The following TYR variants were observed in gnomAD, a reference collection of about 807,000 sequenced individuals.
TYR encodes tyrosinase.
Under a neutral mutation model 51.5 loss-of-function variants are expected in TYR, and 58 were observed. The observed-to-expected ratio is 1.13, with a 90% CI of 0.91 to 1.40. The LOEUF (loss-of-function observed/expected upper bound fraction) is 1.40, where lower values mean the gene tolerates loss of function less well. TYR is among the 40% of genes most tolerant of loss of function. The pLI is 0.00. For missense variants in TYR, 732 were observed against 647.4 expected (o/e 1.13, Z -1.42); for synonymous variants, 263 against 235.2 (o/e 1.12, Z -1.08).
chr11:89,285,774 T>A (rs542211845), intron 4 of TYR, among the ~76,000 whole-genome samples: 2 of 151,896 alleles, frequency 1.3e-5, no homozygotes, highest in South Asian at 4.1e-4. Context: ...ACACCAATAA[T>A]GTGGAGAAGC....
At chr11:89,260,938 G>A (rs1481876797) in intron 3 of TYR, among the ~76,000 whole-genome samples, 3 of 152,020 alleles carry the variant, frequency 2.0e-5, no homozygotes, top group African/African-American at 4.8e-5. Context: ...TCAGCTAAGC[G>A]GCAGGTGAAC....
intron 2 of TYR, among the ~76,000 whole-genome samples, chr11:89,219,463 AT>A (rs1171117317): frequency 6.6e-6 from 1 of 151,708 alleles, no homozygotes; most frequent in Non-Finnish European, 1.5e-5. Flanking sequence ...CCCCTGGCTA[AT>A]TTTTGTATTT....
chr11:89,273,748 A>AG (rs1221233368), intron 3 of TYR, among the ~76,000 whole-genome samples: 22 of 151,808 alleles, frequency 1.4e-4, no homozygotes, highest in Admixed American at 1.4e-3. Flanking sequence ...TAAACAACAT[A>AG]ATTTTTTTTT....
In TYR at chr11:89,237,067, G is replaced by A. The variant is rs112350001; in HGVS notation, c.1184+9097G>A. On this transcript the variant is annotated intron_variant, in intron 3 of 4. Transcript: ENST00000263321. The stretch of plus-strand genomic sequence containing the variant: ...CAAAAGACCTAGTTGTTAAAATAAT[G>A]GCCAACACACCACTGCTCTAATCTA... 1.5e-3 allele frequency among the ~76,000 whole-genome samples: 228 copies of A among 152,190 alleles called. 2 individuals carry two copies. The highest frequency in any genetic ancestry group is 5.2e-3 in the African/African-American group (218 of 41,530).
chr11:89,295,322 A>G lies in TYR; in HGVS notation c.1546A>G (p.Met516Val), dbSNP rs1565427054. 2 of 1,613,518 alleles carry G rather than the reference A, an allele frequency of 1.2e-6. No individual in the cohort carries two copies. Among genetic ancestry groups the G allele is most frequent in the Admixed American group, 1.7e-5 (1 of 59,914 alleles). ...QLPEEKQPLL[M>V]EKEDYHSLYQ... Reference sequence around the variant, plus strand: ...TCCTGAAGAAAAGCAGCCACTCCTCATGGAGAAAGAGGATTACCACAGCTT... The same window carrying G: ...TCCTGAAGAAAAGCAGCCACTCCTCGTGGAGAAAGAGGATTACCACAGCTT... Residue 516 changes from methionine (M) to valine (V), a missense_variant, in exon 5 of 5, where the codon ATG becomes GTG. By Grantham distance (21) the Met-to-Val change is conservative. Transcript: ENST00000263321.
intron 3 of TYR, among the ~76,000 whole-genome samples, chr11:89,272,037 C>T (rs1944594194): frequency 6.6e-6 from 1 of 151,834 alleles, no homozygotes; most frequent in African/African-American, 2.4e-5. Context: ...CTTGAACCCC[C>T]TCAAAGTCAT....
At chr11:89,274,120 G>A (rs376123287) in intron 3 of TYR, among the ~76,000 whole-genome samples, 2 of 151,890 alleles carry the variant, frequency 1.3e-5, no homozygotes, top group African/African-American at 4.8e-5. Flanking sequence ...AGCACATGAA[G>A]TTAAGTAGCT....
chr11:89,290,237 G>A (rs1321573381), intron 4 of TYR, among the ~76,000 whole-genome samples: 6 of 152,008 alleles, frequency 3.9e-5, no homozygotes, highest in Admixed American at 1.3e-4. Context: ...GGGCTCAAAC[G>A]CAGATGGCTT....
intron 1 of TYR, among the ~76,000 whole-genome samples, chr11:89,186,327 A>G (rs1308822170): frequency 6.6e-6 from 1 of 152,162 alleles, no homozygotes; most frequent in African/African-American, 2.4e-5. Flanking sequence ...TGAAATTCTT[A>G]TTAATCTTAT....
chr11:89,240,412 C>A (rs557249354), intron 3 of TYR, among the ~76,000 whole-genome samples: 1 of 151,932 alleles, frequency 6.6e-6, no homozygotes, highest in Non-Finnish European at 1.5e-5. Flanking sequence ...TGTGAAATTT[C>A]TATTTACTTC....
chr11:89,219,857 C>G (rs893070048), intron 2 of TYR, among the ~76,000 whole-genome samples: 1 of 152,118 alleles, frequency 6.6e-6, no homozygotes, highest in African/African-American at 2.4e-5. Context: ...TTTTCTACCC[C>G]AAGAGAGTAC....
chr11:89,262,847 C>CAAAAAAAAAAAAAAAAAAA (rs771958187), intron 3 of TYR, among the ~76,000 whole-genome samples: 1 of 19,296 alleles, frequency 5.2e-5, no homozygotes, highest in Non-Finnish European at 8.2e-5. Flanking sequence ...GCTACTCATC[C>CAAAAAAAAAAAAAAAAAAA]AAAAAAAAAA....
At chr11:89,275,402 C>T (rs1369827938) in intron 3 of TYR, among the ~76,000 whole-genome samples, 2 of 151,870 alleles carry the variant, frequency 1.3e-5, no homozygotes, top group East Asian at 1.9e-4. Flanking sequence ...GATTCTGGTC[C>T]TAGCTCTGCC....
At chr11:89,257,072 G>A (rs191002475) in intron 3 of TYR, among the ~76,000 whole-genome samples, 2 of 151,994 alleles carry the variant, frequency 1.3e-5, no homozygotes, top group East Asian at 3.9e-4. Context: ...TCTTCCTAGG[G>A]TCAAGAACAG....
rs1195749514 is a variant in TYR at position 89,231,338 on chromosome 11, GAACTTC to G, written c.1184+3369_1184+3374del. Among the ~76,000 whole-genome samples, 2 of 105,944 alleles carry G rather than the reference GAACTTC, an allele frequency of 1.9e-5. 1 individual carries two copies. The highest frequency in any genetic ancestry group is 9.6e-5 in the African/African-American group (2 of 20,898). 69.5% of individuals were successfully genotyped at this position (105,944 alleles called of 152,430 possible). A position where few individuals can be genotyped will look rare whatever the true frequency, so the allele number is the denominator to read the frequency against. On this transcript the variant is annotated intron_variant, in intron 3 of 4. Transcript: ENST00000263321. ...CATGTATCGAAAGGGAAATATATCTGAACTTCCAAGTTCATTGCAACATTATTCATA... is the reference window on the plus strand; with the variant it reads ...CATGTATCGAAAGGGAAATATATCTGCAAGTTCATTGCAACATTATTCATA...
At chr11:89,219,862 G>C (rs114379312) in intron 2 of TYR, among the ~76,000 whole-genome samples, 3,096 of 152,138 alleles carry the variant, frequency 0.02, 101 homozygotes, top group African/African-American at 0.069. Context: ...TACCCCAAGA[G>C]AGTACTCTGT....
intron 4 of TYR, among the ~76,000 whole-genome samples, chr11:89,288,133 A>T (rs1332753197): frequency 1.3e-5 from 2 of 151,910 alleles, no homozygotes; most frequent in African/African-American, 4.8e-5. Context: ...GAGAAGTTGG[A>T]TACACAGCCT....
intron 3 of TYR, among the ~76,000 whole-genome samples, chr11:89,282,871 A>C (rs563281578): frequency 6.6e-6 from 1 of 151,948 alleles, no homozygotes; most frequent in East Asian, 1.9e-4. Context: ...CAGTATAGTC[A>C]TAATACTTAG....
In TYR at chr11:89,216,473, G is replaced by A. The variant is rs564586017; in HGVS notation, c.1037-11350G>A. 9.9e-5 allele frequency among the ~76,000 whole-genome samples: 15 copies of A among 151,820 alleles called. No individual in the cohort carries two copies. In the East Asian group the frequency reaches 2.7e-3, roughly 28 times the overall value. ...TTGACACGAGCCCAGGCAACATGGT[G>A]AAACCCCATCTCTACTAAAAATACA... On this transcript the variant is annotated intron_variant, in intron 2 of 4. Transcript: ENST00000263321.
Sources: gnomAD v4.1 joint callset for allele counts (sites outside exome capture counted in the v4.1 genomes callset) on GRCh38, gnomAD v4.1.1 for gene constraint, MANE v1.5 for transcripts, NCBI Gene and HGNC (gene_info 2026-07-23, HGNC 2026-07-21) for gene names.